Variants in CDK9 observed in about 807,000 individuals in gnomAD.
CDK9 encodes cyclin-dependent kinase 9.
CDK9 carries 34 observed loss-of-function variants against 39.0 expected under a neutral mutation model. The observed-to-expected ratio is 0.87, with a 90% CI of 0.66 to 1.16. CDK9 has a LOEUF of 1.16. CDK9 is among the 50% of genes most tolerant of loss of function. CDK9 has a pLI of 0.00. For synonymous variants in CDK9, 233 were observed against 196.2 expected, an observed-to-expected ratio of 1.19 and a Z score of -1.57; for missense variants, 369 against 503.2, an observed-to-expected ratio of 0.73 and a Z score of 2.55.
In CDK9 at chr9:127,789,484, A is replaced by G. The variant is rs200376810; in HGVS notation, c.1060A>G (p.Thr354Ala). 6.4e-5 allele frequency: 104 copies of G among 1,613,990 alleles called. 1 individual carries two copies. The highest frequency in any genetic ancestry group is 7.8e-5 in the Non-Finnish European group (92 of 1,180,022). The change falls in exon 7 of 7, where the codon ACC becomes GCC. Residue 354 changes from threonine (T) to alanine (A), a missense_variant. Thr to Ala is a moderately conservative substitution (Grantham distance 58). Coordinates refer to ENST00000373264, the MANE Select transcript of CDK9 (RefSeq NM_001261.4). The surrounding 1 kb of genome is among the most constrained non-coding windows in gnomAD (Gnocchi z 5.2). ...RKGSQITQQS[T>A]NQSRNPATTN... is the part of the protein sequence containing the mutation. ...GGGCAGCCAGATCACCCAGCAGTCC[A>G]CCAACCAGAGTCGCAATCCCGCCAC...
At position 127,789,088 on chromosome 9, in the gene CDK9, G is replaced by A. The variant is rs189441022; in HGVS notation, c.754-90G>A. ...GTCTGGGAGCCTCCGAGTGGAGCAG[G>A]TATTTTAGTCCTTTTAGGCCTTTAT... On this transcript the variant is annotated intron_variant, in intron 6 of 6. Transcript: ENST00000373264. The surrounding 1 kb of genome is among the most constrained non-coding windows in gnomAD (Gnocchi z 5.2). 105 of 1,462,310 alleles carry A rather than the reference G, an allele frequency of 7.2e-5. No individual in the cohort carries two copies. In the Admixed American group the frequency reaches 2.2e-3, roughly 31 times the overall value. The allele number at this position is 1,462,310 out of a possible 1,614,324, so 90.6% of individuals were successfully genotyped here.
rs1217815423 is a variant in CDK9 at position 127,786,047 on chromosome 9, T to G, written c.-102T>G. The G allele has an allele frequency of 1.5e-6, 1 of 654,254 alleles. No homozygotes were observed. The highest frequency in any genetic ancestry group is 2.2e-6 in the Non-Finnish European group (1 of 445,462). 40.5% of individuals were successfully genotyped at this position (654,254 alleles called of 1,614,324 possible). A position where few individuals can be genotyped will look rare whatever the true frequency, so the allele number is the denominator to read the frequency against. ...CCGGAAGTGGCCGTGGAGGCGGAAGTGGCGCGGCCGCGGAGGGGCCTGGAG... is the reference window on the plus strand; with the variant it reads ...CCGGAAGTGGCCGTGGAGGCGGAAGGGGCGCGGCCGCGGAGGGGCCTGGAG... On this transcript the variant is annotated 5_prime_UTR_variant, in exon 1 of 7. Transcript: ENST00000373264.
intron 3 of CDK9, 22 bp from the exon 4 acceptor site, chr9:127,787,922 TTTC>T: frequency 1.2e-6 from 2 of 1,612,128 alleles, no homozygotes; most frequent in Non-Finnish European, 1.7e-6. Context: ...TTCTTGACTT[TTTC>T]TTCTTTCTAT....
intron 2 of CDK9, among the ~76,000 whole-genome samples, 195 bp downstream of exon 2, chr9:127,786,977 G>A (rs1829335706): frequency 6.6e-6 from 1 of 152,210 alleles, no homozygotes; most frequent in Non-Finnish European, 1.5e-5. Context: ...AGGCCAGGAG[G>A]GGGAGTTGAT....
In CDK9 at chr9:127,787,757, T is replaced by G. The variant is rs1588538268; in HGVS notation, c.265+149T>G. On this transcript the variant is annotated intron_variant, in intron 3 of 6. Transcript: ENST00000373264. ...TCTGGTCCTCTTTCATCGTAGCTGG[T>G]GCTTCCTCGGGGCCTGCCCTGGCCC... The G allele has an allele frequency of 9.4e-6, 8 of 849,478 alleles. No homozygotes were observed. In the South Asian group the frequency reaches 9.6e-5, roughly 10 times the overall value. The allele number at this position is 849,478 out of a possible 1,614,324, so 52.6% of individuals were successfully genotyped here.
chr9:127,788,331 C>T lies in CDK9; in HGVS notation c.550C>T (p.Arg184Cys). Residue 184 changes from arginine to cysteine, a missense_variant, in exon 5 of 7, where the codon CGC becomes TGC. Arg to Cys is a radical substitution (Grantham distance 180, BLOSUM62 -3). Transcript: ENST00000373264. ...FSLAKNSQPN[R>C]YTNRVVTLWY... Reference sequence around the variant, plus strand: ...CCTGGCCAAGAACAGCCAGCCCAACCGCTACACCAACCGTGTGGTGACACT... The same window carrying T: ...CCTGGCCAAGAACAGCCAGCCCAACTGCTACACCAACCGTGTGGTGACACT... The T allele has an allele frequency of 6.2e-7, 1 of 1,613,184 alleles. No individual in the cohort carries two copies. Among genetic ancestry groups the T allele is most frequent in the East Asian group, 2.2e-5 (1 of 44,878 alleles).
Position 127,787,938 on chromosome 9 carries a change from C to T in CDK9, c.266-9C>T, listed in dbSNP as rs774716173. On this transcript the variant is annotated splice_polypyrimidine_tract_variant and intron_variant, in intron 3 of 6. Transcript: ENST00000373264. Reference sequence around the variant, plus strand: ...TCTTGACTTTTTCTTCTTTCTATTCCTGCCTCAGCTTCCCCCTATAACCGC... The same window carrying T: ...TCTTGACTTTTTCTTCTTTCTATTCTTGCCTCAGCTTCCCCCTATAACCGC... 5.0e-6 allele frequency: 8 copies of T among 1,613,580 alleles called. 1 individual carries two copies. Among genetic ancestry groups the T allele is most frequent in the South Asian group, 4.4e-5 (4 of 91,082 alleles).
rs1829404421 is a variant in CDK9 at position 127,790,215 on chromosome 9, T to G, written c.*672T>G. ...TTGTCAAGTCACTGGAGGTCTTGAC[T>G]TTTTTATCTCAGTTCATGTTCTCTT... is the stretch of plus-strand genomic sequence containing the variant. On this transcript the variant is annotated 3_prime_UTR_variant, in exon 7 of 7. Transcript: ENST00000373264. 1 of 152,206 alleles carries G rather than the reference T, an allele frequency of 6.6e-6. No homozygotes were observed. Among genetic ancestry groups the G allele is most frequent in the Non-Finnish European group, 1.5e-5 (1 of 68,056 alleles). The allele number at this position is 152,206 out of a possible 1,614,324, so 9.4% of individuals were successfully genotyped here.
At chr9:127,786,322 T>C in intron 1 of CDK9, 82 bp downstream of exon 1, 1 of 1,125,576 alleles carries the variant, frequency 8.9e-7, no homozygotes. Flanking sequence ...CCCCCCCGAG[T>C]TGGTAGAGAA....
intron 5 of CDK9, 78 bp downstream of exon 5, chr9:127,788,463 C>A (rs908781608): frequency 2.6e-6 from 4 of 1,540,384 alleles, no homozygotes; most frequent in Non-Finnish European, 3.5e-6. Context: ...GCCAGGGCTT[C>A]TTGAGCTGCC....
In CDK9 at chr9:127,788,312, C is replaced by T. The variant is rs1337674299; in HGVS notation, c.531C>T (p.Ala177=). 1.9e-6 allele frequency: 3 copies of T among 1,612,868 alleles called. No individual in the cohort carries two copies. Among genetic ancestry groups the T allele is most frequent in the Non-Finnish European group, 8.5e-7 (1 of 1,179,938 alleles). The change falls in exon 5 of 7, where the codon GCC becomes GCT. Residue 177 remains alanine, a synonymous_variant. Transcript: ENST00000373264. ...GGCTGGCCCGGGCCTTCAGCCTGGCCAAGAACAGCCAGCCCAACCGCTACA... is the reference window on the plus strand; with the variant it reads ...GGCTGGCCCGGGCCTTCAGCCTGGCTAAGAACAGCCAGCCCAACCGCTACA... ...DFGLARAFSL[A]KNSQPNRYTN...
chr9:127,788,823 G>C, intron 6 of CDK9, 131 bp downstream of exon 6: 1 of 969,834 alleles, frequency 1.0e-6, no homozygotes, highest in Non-Finnish European at 1.5e-6. Context: ...GTCTTGGGGT[G>C]GGGAGTGTGT....
At chr9:127,786,411 G>T (rs1161664508) in intron 1 of CDK9, among the ~76,000 whole-genome samples, 171 bp downstream of exon 1, 1 of 152,156 alleles carries the variant, frequency 6.6e-6, no homozygotes, top group African/African-American at 2.4e-5. Context: ...CGGCTGGTGG[G>T]GAGGAGCCTG....
At position 127,790,260 on chromosome 9, in the gene CDK9, TTGTC is replaced by T. The variant is rs902642377; in HGVS notation, c.*721_*724del. 1.3e-5 allele frequency: 2 copies of T among 152,220 alleles called. No homozygotes were observed. The highest frequency in any genetic ancestry group is 2.4e-5 in the African/African-American group (1 of 41,438). The allele number at this position is 152,220 out of a possible 1,614,324, so 9.4% of individuals were successfully genotyped here. ...TCTCTTCCATAATTGGAAAGGACCT[TTGTC>T]TGTTTTTCCTCTTGGGTGCCTTCCA... On this transcript the variant is annotated 3_prime_UTR_variant, in exon 7 of 7. Transcript: ENST00000373264.
At position 127,789,246 on chromosome 9, in the gene CDK9, G is replaced by A. The variant is rs778462348; in HGVS notation, c.822G>A (p.Lys274=). Residue 274 remains lysine, a synonymous_variant, in exon 7 of 7, where the codon AAG becomes AAA. Coordinates refer to ENST00000373264, the MANE Select transcript of CDK9 (RefSeq NM_001261.4). The surrounding 1 kb of genome is among the most constrained non-coding windows in gnomAD (Gnocchi z 5.2). The part of the protein sequence containing the change: ...KLELVKGQKR[K]VKDRLKAYVR... ...AGCTGGTCAAGGGCCAGAAGCGGAA[G>A]GTGAAGGACAGGCTGAAGGCCTATG... 3 of 1,612,152 alleles carry A rather than the reference G, an allele frequency of 1.9e-6. No homozygotes were observed. Among genetic ancestry groups the A allele is most frequent in the East Asian group, 2.2e-5 (1 of 44,834 alleles).
At chr9:127,786,461 C>G (rs1296452114) in intron 1 of CDK9, among the ~76,000 whole-genome samples, 1 of 152,154 alleles carries the variant, frequency 6.6e-6, no homozygotes, top group Admixed American at 6.5e-5. Flanking sequence ...CAGAGAGGCG[C>G]CCGTGAGGGG....
chr9:127,786,498 A>C (rs891291441), intron 1 of CDK9, among the ~76,000 whole-genome samples: 1 of 152,158 alleles, frequency 6.6e-6, no homozygotes, highest in Non-Finnish European at 1.5e-5. Flanking sequence ...GGGACGCCCA[A>C]GTGAGGAGAA....
rs573466515 is a variant in CDK9, at chr9:127,790,040, A to G, written c.*497A>G. 1.3e-5 allele frequency: 2 copies of G among 154,018 alleles called. No individual in the cohort carries two copies. Among genetic ancestry groups the G allele is most frequent in the African/African-American group, 4.8e-5 (2 of 41,362 alleles). The allele number at this position is 154,018 out of a possible 1,614,324, so 9.5% of individuals were successfully genotyped here. On this transcript the variant is annotated 3_prime_UTR_variant, in exon 7 of 7. Coordinates refer to ENST00000373264, the MANE Select transcript of CDK9 (RefSeq NM_001261.4). ...CCATTGTTTGGAGACATTCCTGGGC[A>G]CAGTTTGGTCCGTTAGAATTAAAAG...
chr9:127,786,124 C>G lies in CDK9; in HGVS notation c.-25C>G, dbSNP rs987036880. 6.5e-7 allele frequency: 1 copy of G among 1,546,986 alleles called. No individual in the cohort carries two copies. Among genetic ancestry groups the G allele is most frequent in the Non-Finnish European group, 8.8e-7 (1 of 1,133,918 alleles). On this transcript the variant is annotated 5_prime_UTR_variant, in exon 1 of 7. Transcript: ENST00000373264. ...GAGCGGCGGCAGCAGCGACTGGGGG[C>G]GGCGGCGGCGCGTTGGAGGCGGCCA...
Sources: gnomAD v4.1 joint callset for allele counts (sites outside exome capture counted in the v4.1 genomes callset) on GRCh38, gnomAD v4.1.1 for gene constraint, Gnocchi (gnomAD v3.1) non-coding constraint, MANE v1.5 for transcripts, NCBI Gene and HGNC (gene_info 2026-07-23, HGNC 2026-07-21) for gene names.